The following CRB1 variants were observed in gnomAD, a reference collection of about 807,000 sequenced individuals.
CRB1 encodes protein crumbs homolog 1.
A neutral mutation model predicts 120.0 loss-of-function variants in CRB1; 83 were observed. The observed-to-expected ratio is 0.69, with a 90% CI of 0.58 to 0.83. CRB1 has a LOEUF of 0.83. Ranked by LOEUF, CRB1 falls within the 40% of genes least tolerant of loss-of-function variation. The probability of loss-of-function intolerance (pLI) is 0.00; values close to 1 mark genes in which losing one functional copy is unlikely to be tolerated. For synonymous variants in CRB1, 625 were observed against 612.5 expected (o/e 1.02, Z -0.30); for missense variants, 1,699 against 1,687.6 (o/e 1.01, Z -0.12).
At chr1:197,432,043 C>A (rs571718431) in intron 8 of CRB1, among the ~76,000 whole-genome samples, 2 of 152,158 alleles carry the variant, frequency 1.3e-5, no homozygotes, top group Non-Finnish European at 2.9e-5. Flanking sequence ...TTAATCATCT[C>A]TGTATCGTAC....
intron 11 of CRB1, among the ~76,000 whole-genome samples, chr1:197,464,956 G>A (rs1258811679): frequency 3.3e-5 from 5 of 152,140 alleles, no homozygotes; most frequent in Non-Finnish European, 7.4e-5. Flanking sequence ...TTTGTCTTTT[G>A]AGCCTTTTGT....
chr1:197,300,045 A>T (rs1206535401), intron 1 of CRB1, among the ~76,000 whole-genome samples: 1 of 151,884 alleles, frequency 6.6e-6, no homozygotes, highest in Non-Finnish European at 1.5e-5. Context: ...ATGGCAACCA[A>T]CTTAATTGAT....
chr1:197,329,093 C>G (rs1316785277), intron 2 of CRB1, 90 bp downstream of exon 2: 4 of 1,173,510 alleles, frequency 3.4e-6, no homozygotes, highest in Non-Finnish European at 5.0e-6. Flanking sequence ...TTCACACAAT[C>G]ATTTATGAAA....
At chr1:197,456,156 T>C (rs1473636374) in intron 11 of CRB1, among the ~76,000 whole-genome samples, 2 of 152,170 alleles carry the variant, frequency 1.3e-5, no homozygotes, top group Non-Finnish European at 2.9e-5. Context: ...ATATTTGTTA[T>C]TTAAAGTGGG....
At chr1:197,243,320 T>A in the CRB1 span, among the ~76,000 whole-genome samples, 1 of 152,238 alleles carries the variant, frequency 6.6e-6, no homozygotes, top group Admixed American at 6.5e-5. Context: ...CATTTAATGC[T>A]ATAAATTTCC....
chr1:197,291,560 G>A (rs1008205177), intron 1 of CRB1, among the ~76,000 whole-genome samples: 3 of 151,758 alleles, frequency 2.0e-5, no homozygotes, highest in African/African-American at 7.3e-5. Flanking sequence ...TCATGACACT[G>A]TTGGATTTTA....
chr1:197,354,779 G>A (rs1332225011), intron 4 of CRB1, among the ~76,000 whole-genome samples: 3 of 107,966 alleles, frequency 2.8e-5, no homozygotes, highest in African/African-American at 1.0e-4. Context: ...GCCACTGCTG[G>A]CTCCAGCAGC....
chr1:197,477,359 G>A (rs1053926942), intron 11 of CRB1, among the ~76,000 whole-genome samples: 1 of 152,058 alleles, frequency 6.6e-6, no homozygotes, highest in Non-Finnish European at 1.5e-5. Flanking sequence ...ATAAGTGTGG[G>A]CTCATCTTTT....
chr1:197,357,478 TC>T (rs929352595), intron 5 of CRB1: 149 of 147,020 alleles, frequency 1.0e-3, no homozygotes, highest in Non-Finnish European at 1.7e-3. Flanking sequence ...TTTAAATTAC[TC>T]TTTTTTTTTC....
At chr1:197,426,762 A>G (rs1664603266) in intron 6 of CRB1, among the ~76,000 whole-genome samples, 1 of 152,070 alleles carries the variant, frequency 6.6e-6, no homozygotes, top group South Asian at 2.1e-4. Flanking sequence ...TCCTTGTTCA[A>G]CTGCCTTGCT....
rs60054949 is a variant in CRB1, at chr1:197,446,189, CA to C, written c.4005+3910del. ...TGGGTGACAGAGTGAGACTTTGTCT[CA>C]AAAAAAAAAAAATGTGATTAAACAA... On this transcript the variant is annotated intron_variant, in intron 11 of 11. Transcript: ENST00000367400. Among the ~76,000 whole-genome samples the C allele has an allele frequency of 4.7e-3, 670 of 143,106 alleles. 2 individuals are homozygous for C. Among genetic ancestry groups the C allele is most frequent in the Non-Finnish European group, 7.6e-3 (493 of 65,230 alleles). The allele number at this position is 143,106 out of a possible 152,430, so 93.9% of individuals were successfully genotyped here.
At position 197,420,982 on chromosome 1, in the gene CRB1, T is replaced by G. The variant is rs1465925377; in HGVS notation, c.1172-18T>G. ...ATGTGAATATATATAATTTTAGCCC[T>G]TTTTTATTATTTAACAGGAATCCAC... is the stretch of plus-strand genomic sequence containing the variant. On this transcript the variant is annotated intron_variant, in intron 5 of 11. Transcript: ENST00000367400. 7.0e-7 allele frequency: 1 copy of G among 1,429,982 alleles called. No individual in the cohort carries two copies. Among genetic ancestry groups the G allele is most frequent in the Non-Finnish European group, 9.9e-7 (1 of 1,012,796 alleles). The allele number at this position is 1,429,982 out of a possible 1,614,324, so 88.6% of individuals were successfully genotyped here.
the CRB1 span, among the ~76,000 whole-genome samples, chr1:197,214,667 A>C: frequency 6.6e-6 from 1 of 152,100 alleles, no homozygotes; most frequent in East Asian, 1.9e-4. Context: ...ATAAAAAAAC[A>C]AGGAGTTGAA....
chr1:197,463,076 C>T (rs12239331), intron 11 of CRB1, among the ~76,000 whole-genome samples: 3 of 152,094 alleles, frequency 2.0e-5, no homozygotes, highest in Admixed American at 6.6e-5. Context: ...GAGCACATGG[C>T]TGTTTTATAA....
At chr1:197,368,747 CAAAT>C (rs1431388333) in intron 5 of CRB1, among the ~76,000 whole-genome samples, 1 of 152,118 alleles carries the variant, frequency 6.6e-6, no homozygotes, top group Non-Finnish European at 1.5e-5. Context: ...GAAAAGCTCT[CAAAT>C]GAATAATCAG....
At chr1:197,240,683 A>C in the CRB1 span, among the ~76,000 whole-genome samples, 16 of 152,178 alleles carry the variant, frequency 1.1e-4, no homozygotes, top group Admixed American at 9.2e-4. Context: ...ATATGTGTGC[A>C]TGTGTCTTTA....
chr1:197,252,578 ATATATGTGTGTGTG>A, the CRB1 span, among the ~76,000 whole-genome samples: 49 of 28,680 alleles, frequency 1.7e-3, no homozygotes, highest in Non-Finnish European at 2.3e-3. Flanking sequence ...ATATATATAT[ATATATGTGTGTGTG>A]TGTGTGTGTG....
At chr1:197,376,038 T>A (rs921330513) in intron 5 of CRB1, among the ~76,000 whole-genome samples, 1 of 152,216 alleles carries the variant, frequency 6.6e-6, no homozygotes, top group Non-Finnish European at 1.5e-5. Context: ...TTACAGTTGT[T>A]CTCTCTGACC....
the CRB1 span, among the ~76,000 whole-genome samples, chr1:197,204,150 A>T: frequency 6.6e-6 from 1 of 152,228 alleles, no homozygotes; most frequent in Admixed American, 6.5e-5. Flanking sequence ...GTAGTAATCC[A>T]TAATATATAT....
Sources: allele counts gnomAD v4.1 joint callset (sites outside exome capture counted in the v4.1 genomes callset), GRCh38; gene constraint gnomAD v4.1.1; transcripts MANE v1.5; gene names NCBI Gene and HGNC (gene_info 2026-07-23, HGNC 2026-07-21).